The following STX8 variants were observed in gnomAD, a reference collection of about 807,000 sequenced individuals.
STX8 encodes syntaxin 8.
Under a neutral mutation model 37.5 loss-of-function variants are expected in STX8, and 23 were observed. The ratio of observed to expected loss-of-function variants is 0.61; its 90% CI spans 0.44 to 0.87. The LOEUF (loss-of-function observed/expected upper bound fraction) is 0.87. STX8 is among the 40% of genes least tolerant of loss of function. The probability of loss-of-function intolerance (pLI) is 0.00; values close to 1 mark genes in which losing one functional copy is unlikely to be tolerated. For synonymous variants in STX8, 115 were observed against 99.1 expected (o/e 1.16, Z -0.95); for missense variants, 313 against 284.7 (o/e 1.10, Z -0.71).
chr17:9,458,791 G>A (rs1433045594), intron 6 of STX8, among the ~76,000 whole-genome samples: 3 of 151,784 alleles, frequency 2.0e-5, no homozygotes, highest in African/African-American at 7.3e-5. Context: ...TATCGGCCAG[G>A]GTCTGATCAG....
chr17:9,397,123 C>T (rs976715028), intron 6 of STX8, among the ~76,000 whole-genome samples: 5 of 152,228 alleles, frequency 3.3e-5, no homozygotes, highest in East Asian at 1.9e-4. Flanking sequence ...ATGGGCTGGG[C>T]GCGGTGGCCC....
At chr17:9,262,865 G>C (rs904921754) in intron 7 of STX8, among the ~76,000 whole-genome samples, 2 of 152,106 alleles carry the variant, frequency 1.3e-5, no homozygotes, top group African/African-American at 4.8e-5. Context: ...GAGCCACCAC[G>C]CTCGGCCACA....
At chr17:9,529,293 ATG>A (rs1905714063) in intron 4 of STX8, among the ~76,000 whole-genome samples, 2 of 152,168 alleles carry the variant, frequency 1.3e-5, no homozygotes, top group African/African-American at 2.4e-5. Context: ...GCGCACACGC[ATG>A]TGTGTGTATC....
At chr17:9,360,221 A>T (rs1435205468) in intron 7 of STX8, among the ~76,000 whole-genome samples, 1 of 141,718 alleles carries the variant, frequency 7.1e-6, no homozygotes, top group African/African-American at 2.6e-5. Context: ...ATGTAAAATT[A>T]ACCGTCTTTT....
At chr17:9,365,455 G>T (rs1392783775) in intron 7 of STX8, among the ~76,000 whole-genome samples, 1 of 152,240 alleles carries the variant, frequency 6.6e-6, no homozygotes, top group African/African-American at 2.4e-5. Flanking sequence ...AGCTTATTTT[G>T]GGACAAAGAA....
rs555990919 is a variant in STX8 at position 9,535,633 on chromosome 17, C to T, written c.323+9539G>A. Among the ~76,000 whole-genome samples the T allele has an allele frequency of 3.2e-3, 486 of 151,798 alleles. 7 individuals are homozygous for T. The highest frequency in any genetic ancestry group is 0.01 in the Middle Eastern group (3 of 294). On this transcript the variant is annotated intron_variant, in intron 4 of 7. Coordinates refer to ENST00000306357, the MANE Select transcript of STX8 (RefSeq NM_004853.3). Reference sequence around the variant, plus strand: ...ATTTTTAGTAGAGACGGGGTTTCACCGTGTTAGCCAGGATGGTCTCAATCT... The same window carrying T: ...ATTTTTAGTAGAGACGGGGTTTCACTGTGTTAGCCAGGATGGTCTCAATCT...
chr17:9,492,365 A>C (rs903919902), intron 5 of STX8, among the ~76,000 whole-genome samples: 1 of 152,210 alleles, frequency 6.6e-6, no homozygotes, highest in Admixed American at 6.5e-5. Flanking sequence ...TCAGATGTAT[A>C]AGGATTAAAA....
At chr17:9,369,886 CAAAAAAAAAAAA>C (rs60178482) in intron 7 of STX8, among the ~76,000 whole-genome samples, 66 of 52,152 alleles carry the variant, frequency 1.3e-3, no homozygotes, top group African/African-American at 3.7e-3. Flanking sequence ...GACCCTGTAC[CAAAAAAAAAAAA>C]AAAAAAAAAA....
rs79043609 is a variant in STX8 at position 9,264,721 on chromosome 17, A to G, written c.644-14076T>C. ...GGCAAATCCTTTTCTGGGCATTTCT[A>G]GTGAACTAGTAATGCTTCATGTGGT... On this transcript the variant is annotated intron_variant, in intron 7 of 7. Coordinates refer to ENST00000306357, the MANE Select transcript of STX8 (RefSeq NM_004853.3). Among the ~76,000 whole-genome samples the G allele has an allele frequency of 7.4e-3, 1,130 of 152,370 alleles. 15 individuals carry two copies. Among genetic ancestry groups the G allele is most frequent in the African/African-American group, 0.026 (1,082 of 41,578 alleles).
chr17:9,411,835 C>G (rs1912989063), intron 6 of STX8, among the ~76,000 whole-genome samples: 1 of 152,078 alleles, frequency 6.6e-6, no homozygotes, highest in African/African-American at 2.4e-5. Flanking sequence ...TTTTTAGAAG[C>G]AACCTAATAT....
At chr17:9,294,710 G>A (rs143942846) in intron 7 of STX8, among the ~76,000 whole-genome samples, 186 of 152,296 alleles carry the variant, frequency 1.2e-3, no homozygotes, top group African/African-American at 4.3e-3. Context: ...GGACTGAATC[G>A]TATCACCCCA....
In STX8 at chr17:9,294,623, G is replaced by A. The variant is rs573159761; in HGVS notation, c.644-43978C>T. Reference sequence around the variant, plus strand: ...GGAAAGGATTCTTAAGAAGGTGTGTGCAGAGGAGGGTACTTCATTGATGAA... The same window carrying A: ...GGAAAGGATTCTTAAGAAGGTGTGTACAGAGGAGGGTACTTCATTGATGAA... On this transcript the variant is annotated intron_variant, in intron 7 of 7. Transcript: ENST00000306357. Among the ~76,000 whole-genome samples, 40 of 152,320 alleles carry A rather than the reference G, an allele frequency of 2.6e-4. No homozygotes were observed. In the East Asian group the frequency reaches 7.5e-3, roughly 29 times the overall value.
At chr17:9,539,176 G>A (rs1025750432) in intron 4 of STX8, among the ~76,000 whole-genome samples, 1 of 152,148 alleles carries the variant, frequency 6.6e-6, no homozygotes, top group Non-Finnish European at 1.5e-5. Flanking sequence ...CCACATTAAT[G>A]TCTGTTTAAA....
At chr17:9,345,677 C>T (rs1198898163) in intron 7 of STX8, among the ~76,000 whole-genome samples, 1 of 124,618 alleles carries the variant, frequency 8.0e-6, no homozygotes, top group African/African-American at 2.8e-5. Context: ...GTTAACATAT[C>T]CCTTATCTCA....
intron 6 of STX8, among the ~76,000 whole-genome samples, chr17:9,378,893 G>T (rs1032811121): frequency 7.9e-5 from 12 of 152,204 alleles, no homozygotes; most frequent in African/African-American, 2.9e-4. Context: ...GCCACATTCA[G>T]AGGAAAGAAA....
intron 6 of STX8, among the ~76,000 whole-genome samples, chr17:9,391,933 G>A (rs1294583506): frequency 6.6e-6 from 1 of 152,140 alleles, no homozygotes; most frequent in African/African-American, 2.4e-5. Flanking sequence ...TGCATACACG[G>A]AGCTGACCCC....
chr17:9,494,306 C>T (rs781027558), intron 5 of STX8, among the ~76,000 whole-genome samples: 31 of 151,578 alleles, frequency 2.0e-4, no homozygotes, highest in Non-Finnish European at 4.0e-4. Context: ...TGAGCCACCG[C>T]CCCCGGCCCC....
At chr17:9,326,240 C>T in intron 7 of STX8, among the ~76,000 whole-genome samples, 1 of 152,002 alleles carries the variant, frequency 6.6e-6, no homozygotes, top group East Asian at 1.9e-4. Context: ...AGGTGATTCT[C>T]CCACCTCAGC....
At chr17:9,536,780 G>GAA (rs1314454622) in intron 4 of STX8, among the ~76,000 whole-genome samples, 1 of 148,746 alleles carries the variant, frequency 6.7e-6, no homozygotes, top group Non-Finnish European at 1.5e-5. Context: ...TTTCACTCTT[G>GAA]TTGCCCAAGC....
Sources: gnomAD v4.1 joint callset for allele counts (sites outside exome capture counted in the v4.1 genomes callset) on GRCh38, gnomAD v4.1.1 for gene constraint, MANE v1.5 for transcripts, NCBI Gene and HGNC (gene_info 2026-07-23, HGNC 2026-07-21) for gene names.